The following CEP128 variants were observed in gnomAD, a reference collection of about 807,000 sequenced individuals.
The protein encoded by CEP128 is centrosomal protein 128kDa.
In CEP128, 132 loss-of-function variants were observed where a neutral mutation model predicts 156.7. The ratio of observed to expected loss-of-function variants is 0.84; its 90% CI spans 0.73 to 0.97. The LOEUF (loss-of-function observed/expected upper bound fraction) is 0.97, where lower values mean the gene tolerates loss of function less well. CEP128 is among the 50% of genes least tolerant of loss of function. CEP128 has a pLI of 0.00. For missense variants in CEP128, 1,252 were observed against 1,281.9 expected (o/e 0.98, Z 0.36); for synonymous variants, 469 against 448.9 (o/e 1.04, Z -0.57).
chr14:80,864,231 C>A (rs1887659200), intron 8 of CEP128, among the ~76,000 whole-genome samples: 2 of 152,132 alleles, frequency 1.3e-5, no homozygotes, highest in South Asian at 4.1e-4. Context: ...GTCAAGGCTT[C>A]CTGTCAACAG....
intron 19 of CEP128, among the ~76,000 whole-genome samples, chr14:80,626,470 C>CAAAAAAAAAAAAA (rs60238276): frequency 3.7e-5 from 3 of 80,684 alleles, no homozygotes; most frequent in Non-Finnish European, 6.9e-5. Context: ...GACTCCGTCT[C>CAAAAAAAAAAAAA]AAAAAAAAAA....
At chr14:80,864,722 A>G (rs1290497977) in intron 8 of CEP128, among the ~76,000 whole-genome samples, 10 of 151,994 alleles carry the variant, frequency 6.6e-5, no homozygotes, top group Non-Finnish European at 1.5e-5. Context: ...ACGCCTGGCT[A>G]ATTTTTGTAT....
At chr14:80,675,055 C>A (rs2167061) in intron 19 of CEP128, among the ~76,000 whole-genome samples, 56,257 of 151,834 alleles carry the variant, frequency 0.37, 10,692 homozygotes, top group African/African-American at 0.46. Context: ...GCTTTAATTG[C>A]ACAATCACCT....
At chr14:80,528,383 G>A (rs958368609) in intron 22 of CEP128, among the ~76,000 whole-genome samples, 5 of 152,236 alleles carry the variant, frequency 3.3e-5, no homozygotes, top group African/African-American at 9.6e-5. Flanking sequence ...CCGCCGCCCT[G>A]GTTCAAGCAA....
At chr14:80,577,884 C>T (rs1379176702) in intron 20 of CEP128, among the ~76,000 whole-genome samples, 1 of 152,096 alleles carries the variant, frequency 6.6e-6, no homozygotes. Flanking sequence ...CTTTCAGTTC[C>T]TTAAACATGA....
At chr14:80,708,708 A>T (rs1897304079) in intron 19 of CEP128, among the ~76,000 whole-genome samples, 1 of 152,208 alleles carries the variant, frequency 6.6e-6, no homozygotes, top group South Asian at 2.1e-4. Flanking sequence ...AATTTTAGCT[A>T]GTAGTCATGT....
At chr14:80,565,257 G>C (rs1429236772) in intron 20 of CEP128, among the ~76,000 whole-genome samples, 2 of 152,086 alleles carry the variant, frequency 1.3e-5, no homozygotes, top group African/African-American at 4.8e-5. Flanking sequence ...GGCCCAACCA[G>C]TTCTGCCATC....
chr14:80,531,314 A>G (rs773068392), intron 21 of CEP128, among the ~76,000 whole-genome samples: 2 of 152,226 alleles, frequency 1.3e-5, no homozygotes, highest in African/African-American at 2.4e-5. Context: ...TGTTGCCATT[A>G]TAAAGAAGAA....
intron 2 of CEP128, among the ~76,000 whole-genome samples, chr14:80,921,208 T>A (rs1884839340): frequency 6.6e-6 from 1 of 152,180 alleles, no homozygotes; most frequent in African/African-American, 2.4e-5. Context: ...AAAATTCACG[T>A]TGAAATTTAA....
At chr14:80,737,887 C>A (rs921496925) in intron 19 of CEP128, among the ~76,000 whole-genome samples, 2 of 152,094 alleles carry the variant, frequency 1.3e-5, no homozygotes, top group African/African-American at 4.8e-5. Context: ...AAGACCCCAT[C>A]TCAATCAATC....
At chr14:80,617,161 G>A (rs1395031022) in intron 19 of CEP128, among the ~76,000 whole-genome samples, 2 of 147,766 alleles carry the variant, frequency 1.4e-5, no homozygotes, top group East Asian at 4.0e-4. Flanking sequence ...GCAGACTTGG[G>A]CTCAAGTTCT....
rs756259082 is a variant in CEP128, at chr14:80,916,460, G to A, written c.88C>T (p.Arg30Ter). The A allele has an allele frequency of 1.9e-5, 31 of 1,613,876 alleles. No homozygotes were observed. Among genetic ancestry groups the A allele is most frequent in the East Asian group, 1.1e-4 (5 of 44,888 alleles). ...GTAACTTCTACTGTAGGAAGACTTC[G>A]AGTTCCCCTGTGCGTTGATCTGGCA... ...WAARSTHRGT[R>*]SLPTVEVTEK... The change falls in exon 3 of 25, where the codon CGA becomes TGA. Residue 30 changes from arginine to a stop codon, truncating the protein, a stop_gained. Transcript: ENST00000555265. LOFTEE classifies it high-confidence loss of function.
chr14:80,915,815 C>T (rs144399325), intron 3 of CEP128, among the ~76,000 whole-genome samples: 16 of 152,244 alleles, frequency 1.1e-4, no homozygotes, highest in African/African-American at 3.9e-4. Context: ...CTCTCCACCA[C>T]CTATCACATA....
chr14:80,512,051 A>T (rs1277140585), intron 23 of CEP128, among the ~76,000 whole-genome samples: 2 of 151,950 alleles, frequency 1.3e-5, no homozygotes, highest in Non-Finnish European at 2.9e-5. Flanking sequence ...TTCTGCAACC[A>T]CTGGATGAAA....
In CEP128 at chr14:80,761,542, T is replaced by C. The variant is rs771208848; in HGVS notation, c.2448A>G (p.Gln816=). 2 of 1,613,076 alleles carry C rather than the reference T, an allele frequency of 1.2e-6. No homozygotes were observed. Among genetic ancestry groups the C allele is most frequent in the Non-Finnish European group, 8.5e-7 (1 of 1,179,248 alleles). The change falls in exon 17 of 25, where the codon CAA becomes CAG. Residue 816 remains glutamine, a synonymous_variant. Coordinates refer to ENST00000555265, the MANE Select transcript of CEP128 (RefSeq NM_152446.5). ...CCTGTTCAGTCTCCAAGCAAAGAAG[T>C]TGATCCTTGAGCTGCAATCTGGCCT... is the stretch of plus-strand genomic sequence containing the variant. The part of the protein sequence containing the change: ...MEEARLQLKD[Q]LLCLETEQES...
rs553739956 is a variant in CEP128 at position 80,586,257 on chromosome 14, C to A, written c.2807-5834G>T. ...GTGGAGGGCCTGGGGGCCAGCCCACCAAGCTCCTTCCTATCCTTGGGCAGA... is the reference window on the plus strand; with the variant it reads ...GTGGAGGGCCTGGGGGCCAGCCCACAAAGCTCCTTCCTATCCTTGGGCAGA... On this transcript the variant is annotated intron_variant, in intron 19 of 24. Coordinates refer to ENST00000555265, the MANE Select transcript of CEP128 (RefSeq NM_152446.5). 3.3e-5 allele frequency among the ~76,000 whole-genome samples: 5 copies of A among 152,300 alleles called. No homozygotes were observed. In the South Asian group the frequency reaches 1.0e-3, roughly 32 times the overall value.
At chr14:80,916,303 A>T in intron 3 of CEP128, 98 bp downstream of exon 3, 1 of 955,236 alleles carries the variant, frequency 1.0e-6, no homozygotes, top group Non-Finnish European at 1.6e-6. Flanking sequence ...GCTTTGCAGT[A>T]ATTTGTTACA....
intron 9 of CEP128, among the ~76,000 whole-genome samples, chr14:80,858,166 C>T (rs1887304510): frequency 6.6e-6 from 1 of 150,700 alleles, no homozygotes; most frequent in South Asian, 2.1e-4. Flanking sequence ...CTACAGTAAC[C>T]AAAACAGCAT....
intron 2 of CEP128, among the ~76,000 whole-genome samples, chr14:80,933,385 G>A (rs1163574546): frequency 6.6e-6 from 1 of 152,066 alleles, no homozygotes; most frequent in African/African-American, 2.4e-5. Flanking sequence ...TATCTCCTTT[G>A]GGCACTGTCT....
Sources: allele counts gnomAD v4.1 joint callset (sites outside exome capture counted in the v4.1 genomes callset), GRCh38; gene constraint gnomAD v4.1.1; transcripts MANE v1.5; gene names NCBI Gene and HGNC (gene_info 2026-07-23, HGNC 2026-07-21).